The following RBMS2 variants were observed in gnomAD, a reference collection of about 807,000 sequenced individuals.
RBMS2 encodes the protein RNA-binding motif, single-stranded-interacting protein 2.
In RBMS2, 38 loss-of-function variants were observed where a neutral mutation model predicts 58.4. That is an observed-to-expected ratio of 0.65 (90% CI 0.50 to 0.85). RBMS2 has a LOEUF of 0.85. Among genes scored for constraint, RBMS2 ranks in the 40% least tolerant of loss-of-function variants. The pLI is 0.00. For missense variants in RBMS2, 367 were observed against 503.7 expected, an observed-to-expected ratio of 0.73 and a Z score of 2.60; for synonymous variants, 151 against 180.7, an observed-to-expected ratio of 0.84 and a Z score of 1.32.
intron 2 of RBMS2, among the ~76,000 whole-genome samples, chr12:56,563,114 T>C (rs369847257): frequency 1.8e-4 from 27 of 152,064 alleles, no homozygotes; most frequent in African/African-American, 5.8e-4. Context: ...TAGAGTGAGA[T>C]TCCATCTCAA....
chr12:56,584,843 G>A (rs1384326894), intron 9 of RBMS2, among the ~76,000 whole-genome samples: 1 of 97,924 alleles, frequency 1.0e-5, no homozygotes, highest in Non-Finnish European at 2.1e-5. Context: ...TTTTTTTTGT[G>A]ACCGAGTTTC....
At chr12:56,571,399 G>A (rs1304909435) in intron 4 of RBMS2, among the ~76,000 whole-genome samples, 1 of 152,164 alleles carries the variant, frequency 6.6e-6, no homozygotes, top group Non-Finnish European at 1.5e-5. Flanking sequence ...CTCTGGGACC[G>A]GCTGCTGGGG....
intron 4 of RBMS2, among the ~76,000 whole-genome samples, chr12:56,570,218 A>AG (rs1882059582): frequency 6.6e-6 from 1 of 152,174 alleles, no homozygotes; most frequent in South Asian, 2.1e-4. Flanking sequence ...AGTTATTGGC[A>AG]GCAAGAAAGG....
At chr12:56,573,476 C>CAAAAAAA (rs71081382) in intron 5 of RBMS2, among the ~76,000 whole-genome samples, 7 of 59,676 alleles carry the variant, frequency 1.2e-4, no homozygotes, top group African/African-American at 2.1e-4. Flanking sequence ...GACGCCATCT[C>CAAAAAAA]AAAAAAAAAA....
At position 56,568,978 on chromosome 12, in the gene RBMS2, T is replaced by C. The variant is rs1881843333; in HGVS notation, c.237T>C (p.Tyr79=). 5.6e-6 allele frequency: 9 copies of C among 1,610,686 alleles called. No individual in the cohort carries two copies. Among genetic ancestry groups the C allele is most frequent in the Non-Finnish European group, 7.6e-6 (9 of 1,176,846 alleles). The change falls in exon 3 of 14, where the codon TAT becomes TAC. Residue 79 remains tyrosine (Y), a synonymous_variant. Coordinates refer to ENST00000262031, the MANE Select transcript of RBMS2 (RefSeq NM_002898.4). ...TTTGCATTTTCCTCTCCCTTAGATA[T>C]GGCAAGATTGTTTCCACTAAGGCCA... ...DQDLVKLCQP[Y]GKIVSTKAIL... is the part of the protein sequence containing the mutation.
rs58084708 is a variant in RBMS2, at chr12:56,567,557, C to G, written c.234-1418C>G. On this transcript the variant is annotated intron_variant, in intron 2 of 13. Coordinates refer to ENST00000262031, the MANE Select transcript of RBMS2 (RefSeq NM_002898.4). Reference sequence around the variant, plus strand: ...TGTTTATAAGATGATTTTCTTAGAGCTGGGCATGGTGGCTCTCAGCTGTAA... The same window carrying G: ...TGTTTATAAGATGATTTTCTTAGAGGTGGGCATGGTGGCTCTCAGCTGTAA... Among the ~76,000 whole-genome samples, 627 of 152,178 alleles carry G rather than the reference C, an allele frequency of 4.1e-3. 2 individuals carry two copies. The highest frequency in any genetic ancestry group is 0.014 in the African/African-American group (596 of 41,506).
chr12:56,550,027 G>A (rs1349584783), intron 1 of RBMS2, among the ~76,000 whole-genome samples: 2 of 149,994 alleles, frequency 1.3e-5, no homozygotes, highest in African/African-American at 2.4e-5. Flanking sequence ...ACTCCGTCTC[G>A]CAAAAAAAAG....
chr12:56,588,150 C>A, intron 11 of RBMS2, 144 bp from the exon 12 acceptor site: 1 of 667,442 alleles, frequency 1.5e-6, no homozygotes, highest in Non-Finnish European at 2.6e-6. Flanking sequence ...ACCTGAAGTG[C>A]TTTTAAGATG....
chr12:56,560,382 G>T (rs1880180914), intron 1 of RBMS2, among the ~76,000 whole-genome samples: 2 of 151,244 alleles, frequency 1.3e-5, no homozygotes, highest in Admixed American at 1.3e-4. Context: ...TCAGCCTCCT[G>T]AGTAGCTGGG....
chr12:56,532,096 G>A (rs780897920), intron 1 of RBMS2, among the ~76,000 whole-genome samples: 3 of 152,006 alleles, frequency 2.0e-5, no homozygotes, highest in Non-Finnish European at 4.4e-5. Context: ...ATGCATGCTT[G>A]TAATCCCAGC....
chr12:56,575,782 T>G (rs1219931254), intron 5 of RBMS2, among the ~76,000 whole-genome samples: 2 of 151,624 alleles, frequency 1.3e-5, no homozygotes, highest in Non-Finnish European at 2.9e-5. Context: ...TAATCCCAGC[T>G]ACTCAGGAGG....
At chr12:56,579,283 A>T (rs1366692744) in intron 5 of RBMS2, among the ~76,000 whole-genome samples, 1 of 152,208 alleles carries the variant, frequency 6.6e-6, no homozygotes, top group Admixed American at 6.5e-5. Flanking sequence ...CCACAGCTCT[A>T]CGATACCTAA....
chr12:56,576,754 T>G (rs12228266), intron 5 of RBMS2, among the ~76,000 whole-genome samples: 4 of 152,166 alleles, frequency 2.6e-5, no homozygotes, highest in East Asian at 3.9e-4. Context: ...AATTAAAAAT[T>G]TTGGCCAGGC....
At chr12:56,563,012 A>G (rs1182682751) in intron 2 of RBMS2, among the ~76,000 whole-genome samples, 1 of 152,168 alleles carries the variant, frequency 6.6e-6, no homozygotes, top group Non-Finnish European at 1.5e-5. Context: ...AGTCCCAGCT[A>G]CTTAGAAGGC....
chr12:56,575,066 G>T (rs1265809698), intron 5 of RBMS2, among the ~76,000 whole-genome samples: 1 of 152,008 alleles, frequency 6.6e-6, no homozygotes, highest in East Asian at 1.9e-4. Context: ...GGAGAATGGT[G>T]TGAACCCGGG....
chr12:56,589,156 T>C lies in RBMS2; in HGVS notation c.*23T>C. 1 of 1,547,270 alleles carries C rather than the reference T, an allele frequency of 6.5e-7. No homozygotes were observed. The highest frequency in any genetic ancestry group is 8.7e-7 in the Non-Finnish European group (1 of 1,144,438). ...CTTCTTTAGGATTCCCCTCCCCATC[T>C]TTACTGAATAGAAATGAATTCTTGG... On this transcript the variant is annotated 3_prime_UTR_variant, in exon 14 of 14. Transcript: ENST00000262031.
chr12:56,588,230 C>G, intron 11 of RBMS2, 64 bp from the exon 12 acceptor site: 1 of 1,309,474 alleles, frequency 7.6e-7, no homozygotes, highest in South Asian at 1.2e-5. Context: ...TTTTAAAGCC[C>G]CTCAGCTGCT....
intron 2 of RBMS2, among the ~76,000 whole-genome samples, chr12:56,565,110 G>A (rs952328624): frequency 6.6e-6 from 1 of 152,176 alleles, no homozygotes; most frequent in Non-Finnish European, 1.5e-5. Context: ...GATTACTTAT[G>A]ATACCTCAAT....
chr12:56,536,566 T>C (rs1028911941), intron 1 of RBMS2, among the ~76,000 whole-genome samples: 115 of 151,874 alleles, frequency 7.6e-4, no homozygotes, highest in Non-Finnish European at 9.3e-4. Context: ...TCTTTCTTTT[T>C]TTTTTTTGTT....
Sources: allele counts gnomAD v4.1 joint callset (sites outside exome capture counted in the v4.1 genomes callset), GRCh38; gene constraint gnomAD v4.1.1; transcripts MANE v1.5; gene names NCBI Gene and HGNC (gene_info 2026-07-23, HGNC 2026-07-21).